The following ICAM2 variants were observed in gnomAD, a reference collection of about 807,000 sequenced individuals.
ICAM2 encodes the protein ICAM-2.
ICAM2 carries 14 observed loss-of-function variants against 19.1 expected under a neutral mutation model. The observed-to-expected ratio is 0.73, with a 90% CI of 0.48 to 1.15. The LOEUF (loss-of-function observed/expected upper bound fraction) is 1.15. ICAM2 is among the 50% of genes most tolerant of loss of function. ICAM2 has a pLI of 0.00. For missense variants in ICAM2, 311 were observed against 355.4 expected (o/e 0.88, Z 1.00); for synonymous variants, 153 against 152.7 (o/e 1.00, Z -0.01).
intron 1 of ICAM2, among the ~76,000 whole-genome samples, chr17:64,011,939 C>A (rs1193424454): frequency 6.6e-6 from 1 of 152,124 alleles, no homozygotes; most frequent in East Asian, 1.9e-4. Flanking sequence ...GAAATGAAAC[C>A]AGCATGTCAA....
chr17:64,018,517 T>C (rs1310001780), intron 1 of ICAM2, among the ~76,000 whole-genome samples: 3 of 151,840 alleles, frequency 2.0e-5, no homozygotes, highest in Non-Finnish European at 4.4e-5. Context: ...ACAAGACCAA[T>C]TGTTGGAGAG....
At chr17:64,004,953 G>A (rs1282757402) in intron 3 of ICAM2, 154 bp downstream of exon 3, 9 of 827,388 alleles carry the variant, frequency 1.1e-5, no homozygotes, top group African/African-American at 1.7e-5. Context: ...ACCAAGGGCT[G>A]GCCTGGTCCT....
intron 1 of ICAM2, among the ~76,000 whole-genome samples, chr17:64,015,121 A>T (rs1304071947): frequency 6.6e-6 from 1 of 152,166 alleles, no homozygotes; most frequent in Non-Finnish European, 1.5e-5. Context: ...GCTGTGGGAG[A>T]GGGGAAATGA....
At chr17:64,014,330 GGAAA>G (rs1187209016) in intron 1 of ICAM2, among the ~76,000 whole-genome samples, 17 of 31,152 alleles carry the variant, frequency 5.5e-4, no homozygotes, top group African/African-American at 1.7e-3. Flanking sequence ...AAGGAAGGAA[GGAAA>G]GAAAGAAAGA....
intron 3 of ICAM2, 113 bp from the exon 4 acceptor site, chr17:64,004,077 T>A: frequency 1.2e-6 from 1 of 802,876 alleles, no homozygotes; most frequent in Non-Finnish European, 1.9e-6. Context: ...GGGGAGGAGG[T>A]GGCCTGGCCG....
intron 1 of ICAM2, among the ~76,000 whole-genome samples, chr17:64,015,606 G>A (rs1379806393): frequency 6.6e-6 from 1 of 152,126 alleles, no homozygotes; most frequent in Non-Finnish European, 1.5e-5. Flanking sequence ...CAGGCGTGGT[G>A]GTGCACGCCT....
At chr17:64,004,981 G>A (rs1427579673) in intron 3 of ICAM2, 126 bp downstream of exon 3, 1 of 1,104,450 alleles carries the variant, frequency 9.1e-7, no homozygotes, top group Admixed American at 2.0e-5. Flanking sequence ...GTCACCCCAG[G>A]AGCTCAGGGA....
intron 4 of ICAM2, 31 bp from the exon 5 acceptor site, chr17:64,002,956 G>A (rs368190750): frequency 5.0e-5 from 80 of 1,594,902 alleles, no homozygotes; most frequent in African/African-American, 2.7e-4. Context: ...GGTCTTAGAC[G>A]TCCTGTGATC....
intron 3 of ICAM2, 105 bp from the exon 4 acceptor site, chr17:64,004,069 G>A: frequency 1.1e-6 from 1 of 890,516 alleles, no homozygotes. Context: ...CCACGGTTGG[G>A]GAGGAGGTGG....
chr17:64,006,516 T>G lies in ICAM2; in HGVS notation c.61+115A>C, dbSNP rs557540367. ...TGTCTTAAAACAAAACAAAAAAACC[T>G]AAGAACCTCAGCAACTTTTGGGACT... On this transcript the variant is annotated intron_variant, in intron 2 of 4. Coordinates refer to ENST00000579788, the MANE Select transcript of ICAM2 (RefSeq NM_001099789.2). 79 of 849,398 alleles carry G rather than the reference T, an allele frequency of 9.3e-5. 1 individual carries two copies. In the South Asian group the frequency reaches 1.2e-3, roughly 13 times the overall value. The allele number at this position is 849,398 out of a possible 1,614,324, so 52.6% of individuals were successfully genotyped here.
intron 3 of ICAM2, chr17:64,004,238 G>C (rs1238265375): frequency 2.9e-5 from 13 of 453,892 alleles, no homozygotes; most frequent in Non-Finnish European, 4.7e-5. Flanking sequence ...AAAAGTTTGG[G>C]TCTGTCTCCT....
At chr17:64,007,399 A>G (rs1417884512) in intron 1 of ICAM2, among the ~76,000 whole-genome samples, 1 of 152,052 alleles carries the variant, frequency 6.6e-6, no homozygotes, top group Non-Finnish European at 1.5e-5. Flanking sequence ...AGTAGCTGAC[A>G]TTACAGGATC....
intron 1 of ICAM2, among the ~76,000 whole-genome samples, chr17:64,010,118 C>T (rs949994879): frequency 2.6e-5 from 4 of 152,212 alleles, no homozygotes; most frequent in Non-Finnish European, 4.4e-5. Flanking sequence ...ACGGTCTCCC[C>T]GATCTCCTCA....
rs67934258 is a variant in ICAM2, at chr17:64,018,713, C to CTTTTTT, written c.-45+1804_-45+1809dup. 1.4e-4 allele frequency among the ~76,000 whole-genome samples: 9 copies of CTTTTTT among 62,884 alleles called. 1 individual carries two copies. The highest frequency in any genetic ancestry group is 5.5e-4 in the African/African-American group (9 of 16,300). 41.3% of individuals were successfully genotyped at this position (62,884 alleles called of 152,430 possible). A position where few individuals can be genotyped will look rare whatever the true frequency, so the allele number is the denominator to read the frequency against. On this transcript the variant is annotated intron_variant, in intron 1 of 4. Transcript: ENST00000579788. ...CAGACATGTCTTTGTGTTTACTTCT[C>CTTTTTT]TTTTTTTTTTTTTTTTTTTTTTTTT...
chr17:64,003,604 G>C, intron 4 of ICAM2, 40 bp downstream of exon 4: 1 of 1,569,748 alleles, frequency 6.4e-7, no homozygotes, highest in Non-Finnish European at 8.7e-7. Context: ...GGCTGAAAGT[G>C]ACTTATCACT....
At chr17:64,005,834 G>A (rs1911170919) in intron 2 of ICAM2, 1 of 196,084 alleles carries the variant, frequency 5.1e-6, no homozygotes, top group Non-Finnish European at 1.1e-5. Context: ...AAAGCATCAG[G>A]CTCTGGGGAT....
intron 1 of ICAM2, chr17:64,006,943 T>C: frequency 1.8e-6 from 1 of 547,700 alleles, no homozygotes; most frequent in Admixed American, 3.2e-5. Flanking sequence ...TCCTCCCTGC[T>C]GACTCCCTGT....
At chr17:64,003,059 G>T (rs1457701285) in intron 4 of ICAM2, 134 bp from the exon 5 acceptor site, 2 of 685,800 alleles carry the variant, frequency 2.9e-6, no homozygotes, top group African/African-American at 1.8e-5. Context: ...AGTCACCCCA[G>T]TTGCAGAGAT....
At chr17:64,009,633 C>G (rs949833664) in intron 1 of ICAM2, among the ~76,000 whole-genome samples, 7 of 152,024 alleles carry the variant, frequency 4.6e-5, no homozygotes, top group Non-Finnish European at 2.9e-5. Flanking sequence ...TGGGGCTTGC[C>G]CTACAAAATG....
Sources: allele counts gnomAD v4.1 joint callset (sites outside exome capture counted in the v4.1 genomes callset), GRCh38; gene constraint gnomAD v4.1.1; transcripts MANE v1.5; gene names NCBI Gene and HGNC (gene_info 2026-07-23, HGNC 2026-07-21).